GSE1: variants seen among roughly 807,000 people sequenced by gnomAD.
The protein encoded by GSE1 is genetic suppressor element 1.
In GSE1, 32 loss-of-function variants were observed where a neutral mutation model predicts 112.6. The observed-to-expected ratio is 0.28, with a 90% CI of 0.21 to 0.38. The LOEUF (loss-of-function observed/expected upper bound fraction) is 0.38, where lower values mean the gene tolerates loss of function less well. Ranked by LOEUF, GSE1 falls within the 10% of genes least tolerant of loss-of-function variation. The pLI is 1.00. For missense variants in GSE1, 2,348 were observed against 1,699.2 expected, an observed-to-expected ratio of 1.38 and a Z score of -6.71; for synonymous variants, 1,115 against 735.6, an observed-to-expected ratio of 1.52 and a Z score of -8.35.
At chr16:85,376,348 C>T (rs2047419776) in intron 2 of GSE1, among the ~76,000 whole-genome samples, 1 of 152,232 alleles carries the variant, frequency 6.6e-6, no homozygotes. Context: ...GCACAGTGCC[C>T]CTGCCCGTTA....
intron 2 of GSE1, among the ~76,000 whole-genome samples, chr16:85,493,679 G>A (rs1567534048): frequency 6.6e-6 from 1 of 151,888 alleles, no homozygotes; most frequent in Non-Finnish European, 1.5e-5. Context: ...CTTGAACCCG[G>A]GAGGCGGAGG....
intron 1 of GSE1, among the ~76,000 whole-genome samples, chr16:85,572,456 A>C (rs992223707): frequency 1.9e-5 from 2 of 106,930 alleles, no homozygotes; most frequent in South Asian, 3.1e-4. Context: ...AGCACATACC[A>C]CACACACAAC....
chr16:85,647,831 T>A (rs8056655), intron 2 of GSE1, among the ~76,000 whole-genome samples: 1 of 151,996 alleles, frequency 6.6e-6, no homozygotes, highest in African/African-American at 2.4e-5. Context: ...GTGATCTGTC[T>A]GCCTCGGCCT....
chr16:85,291,286 C>CCCT (rs2045203614), intron 1 of GSE1, among the ~76,000 whole-genome samples: 1 of 152,186 alleles, frequency 6.6e-6, no homozygotes, highest in African/African-American at 2.4e-5. Flanking sequence ...TCCCTCCTCA[C>CCCT]CCTCCTCCTC....
At chr16:85,300,840 A>G (rs1462945230) in intron 1 of GSE1, among the ~76,000 whole-genome samples, 1 of 152,236 alleles carries the variant, frequency 6.6e-6, no homozygotes, top group African/African-American at 2.4e-5. Context: ...GTGTGGCTGA[A>G]CTGGGACACA....
chr16:85,535,509 A>G (rs1222789772), intron 2 of GSE1, among the ~76,000 whole-genome samples: 1 of 152,176 alleles, frequency 6.6e-6, no homozygotes, highest in Non-Finnish European at 1.5e-5. Context: ...GAAGCTGCAG[A>G]GGGTAAAGGT....
intron 2 of GSE1, among the ~76,000 whole-genome samples, chr16:85,484,352 A>T (rs948184541): frequency 1.3e-5 from 2 of 152,254 alleles, no homozygotes; most frequent in African/African-American, 4.8e-5. Context: ...TCTGCCAGTG[A>T]TCGACAGGTT....
chr16:85,674,166 T>A lies in GSE1; in HGVS notation c.*1627T>A, dbSNP rs2053553320. 1 of 152,204 alleles carries A rather than the reference T, an allele frequency of 6.6e-6. No homozygotes were observed. Among genetic ancestry groups the A allele is most frequent in the Non-Finnish European group, 1.5e-5 (1 of 68,150 alleles). 9.4% of individuals were successfully genotyped at this position (152,204 alleles called of 1,614,324 possible). A position where few individuals can be genotyped will look rare whatever the true frequency, so the allele number is the denominator to read the frequency against. ...AGGCCTGAGCTGAGGGCAGGGTGCCTGACCTGTGTGCCGGCTGCTCACTGC... is the reference window on the plus strand; with the variant it reads ...AGGCCTGAGCTGAGGGCAGGGTGCCAGACCTGTGTGCCGGCTGCTCACTGC... On this transcript the variant is annotated 3_prime_UTR_variant, in exon 16 of 16. Transcript: ENST00000253458.
chr16:85,402,076 G>T (rs1414323879), intron 2 of GSE1, among the ~76,000 whole-genome samples: 1 of 152,204 alleles, frequency 6.6e-6, no homozygotes, highest in East Asian at 1.9e-4. Flanking sequence ...AAGTCGTTCT[G>T]TTCCCAAGTT....
At chr16:85,654,544 G>A in intron 4 of GSE1, 94 bp downstream of exon 4, 4 of 1,103,064 alleles carry the variant, frequency 3.6e-6, no homozygotes, top group Non-Finnish European at 5.3e-6. Flanking sequence ...CTGCACAGAT[G>A]AGGCTGTGCC....
In GSE1 at chr16:85,543,663, T is replaced by C. The variant is rs192795482; in HGVS notation, c.2465-90251T>C. Among the ~76,000 whole-genome samples, 403 of 152,284 alleles carry C rather than the reference T, an allele frequency of 2.6e-3. 1 individual carries two copies. Among genetic ancestry groups the C allele is most frequent in the Middle Eastern group, 0.01 (3 of 294 alleles). On this transcript the variant is annotated intron_variant, in intron 2 of 2. Transcript: ENST00000637419. Reference sequence around the variant, plus strand: ...ACCAGAGCACCCCATTCAGCCCCTCTAAATTTGTATGTGGTAAAGCTGGGG... The same window carrying C: ...ACCAGAGCACCCCATTCAGCCCCTCCAAATTTGTATGTGGTAAAGCTGGGG...
Position 85,663,485 on chromosome 16 carries a change from C to T in GSE1, c.2515C>T (p.Pro839Ser), listed in dbSNP as rs757485737. The T allele has an allele frequency of 6.2e-7, 1 of 1,613,786 alleles. No individual in the cohort carries two copies. The highest frequency in any genetic ancestry group is 1.3e-5 in the African/African-American group (1 of 74,896). The change falls in exon 11 of 16, where the codon CCT becomes TCT. Residue 839 changes from proline (P) to serine (S), a missense_variant. Transcript: ENST00000253458. ...PPTIQSKRQTPSPRLALSTRY... is the reference protein window; with the variant it reads ...PPTIQSKRQTSSPRLALSTRY... ...AACAATTCAGAGCAAGCGGCAGACG[C>T]CTTCACCGAGACTGGCGCTGTCTAC...
At chr16:85,625,194 G>A (rs964848185) in intron 1 of GSE1, among the ~76,000 whole-genome samples, 1 of 152,104 alleles carries the variant, frequency 6.6e-6, no homozygotes, top group Non-Finnish European at 1.5e-5. Flanking sequence ...CCTTCCCGCC[G>A]CCCTCCTCTC....
intron 1 of GSE1, among the ~76,000 whole-genome samples, chr16:85,172,440 G>C (rs1221605136): frequency 6.6e-6 from 1 of 152,264 alleles, no homozygotes; most frequent in Non-Finnish European, 1.5e-5. Context: ...CTGCAAGTCA[G>C]CTGTGCAGGA....
chr16:85,485,889 C>G (rs772990548), intron 2 of GSE1, among the ~76,000 whole-genome samples: 4 of 152,220 alleles, frequency 2.6e-5, no homozygotes, highest in African/African-American at 4.8e-5. Context: ...TGTTCTTCCC[C>G]CAAACACACA....
intron 1 of GSE1, among the ~76,000 whole-genome samples, chr16:85,338,321 A>C (rs2046549067): frequency 6.6e-6 from 1 of 152,198 alleles, no homozygotes; most frequent in African/African-American, 2.4e-5. Flanking sequence ...GGCCACCCTG[A>C]GTGCCCTCCT....
intron 7 of GSE1, 85 bp downstream of exon 7, chr16:85,656,750 C>G (rs140473102): frequency 7.0e-7 from 1 of 1,431,852 alleles, no homozygotes; most frequent in African/African-American, 1.4e-5. Context: ...TGCCGGTTGC[C>G]GTGGTGTAAA....
At chr16:85,482,444 A>G (rs2050708489) in intron 2 of GSE1, among the ~76,000 whole-genome samples, 1 of 152,130 alleles carries the variant, frequency 6.6e-6, no homozygotes, top group Non-Finnish European at 1.5e-5. Flanking sequence ...CCCATCTCTG[A>G]CAACTCGAGC....
chr16:85,440,773 G>C (rs115090096), intron 2 of GSE1, among the ~76,000 whole-genome samples: 2,059 of 152,334 alleles, frequency 0.014, 49 homozygotes, highest in African/African-American at 0.047. Flanking sequence ...GTGGGGCCTT[G>C]CTGGGAGCTT....
Sources: allele counts gnomAD v4.1 joint callset (sites outside exome capture counted in the v4.1 genomes callset), GRCh38; gene constraint gnomAD v4.1.1; transcripts MANE v1.5; gene names NCBI Gene and HGNC (gene_info 2026-07-23, HGNC 2026-07-21).